CNTNAP3B: variants seen among roughly 807,000 people sequenced by gnomAD.
CNTNAP3B encodes the protein contactin-associated protein-like 3B.
Under a neutral mutation model 108.9 loss-of-function variants are expected in CNTNAP3B, and 25 were observed. That is an observed-to-expected ratio of 0.23 (90% CI 0.17 to 0.32). CNTNAP3B has a LOEUF of 0.32. Among genes scored for constraint, CNTNAP3B ranks in the 10% least tolerant of loss-of-function variants. The pLI, the probability that CNTNAP3B is intolerant of heterozygous loss-of-function variation, is 1.00. For synonymous variants in CNTNAP3B, 103 were observed against 473.4 expected (o/e 0.22, Z 10.16); for missense variants, 252 against 1,210.4 (o/e 0.21, Z 11.75).
At chr9:41,933,023 T>G (rs1824029421) in intron 14 of CNTNAP3B, among the ~76,000 whole-genome samples, 1 of 152,308 alleles carries the variant, frequency 6.6e-6, no homozygotes, top group East Asian at 1.9e-4. Flanking sequence ...TTTTTCATCT[T>G]AAAAATTATC....
chr9:41,944,195 C>A (rs1587130173), intron 13 of CNTNAP3B, among the ~76,000 whole-genome samples: 1 of 148,168 alleles, frequency 6.7e-6, no homozygotes, highest in East Asian at 1.9e-4. Context: ...AATAGAAGTT[C>A]CTCAGAGAAA....
chr9:42,124,867 GT>G (rs1170170196), intron 1 of CNTNAP3B, among the ~76,000 whole-genome samples: 13 of 134,314 alleles, frequency 9.7e-5, no homozygotes, highest in Admixed American at 5.9e-4. Flanking sequence ...TCTCATAATT[GT>G]TTTTTTTTCA....
chr9:42,071,462 C>A (rs1827377848), intron 3 of CNTNAP3B, among the ~76,000 whole-genome samples: 1 of 135,612 alleles, frequency 7.4e-6, no homozygotes, highest in Non-Finnish European at 1.6e-5. Context: ...CACAGATAAG[C>A]AGAGAATACG....
At chr9:41,978,900 C>A (rs1486255007) in intron 9 of CNTNAP3B, among the ~76,000 whole-genome samples, 1 of 147,376 alleles carries the variant, frequency 6.8e-6, no homozygotes, top group African/African-American at 2.6e-5. Context: ...TATATCAAAT[C>A]GTCACATAGT....
intron 15 of CNTNAP3B, among the ~76,000 whole-genome samples, chr9:41,924,645 GCACACACACACACACACACACA>G (rs200851620): frequency 7.4e-6 from 1 of 135,062 alleles, no homozygotes; most frequent in East Asian, 2.0e-4. Context: ...TTTCCTTCCT[GCACACACACACACACACACACA>G]CACACACACA....
At chr9:41,941,212 A>G (rs951486312) in intron 13 of CNTNAP3B, among the ~76,000 whole-genome samples, 5 of 151,038 alleles carry the variant, frequency 3.3e-5, no homozygotes, top group African/African-American at 1.2e-4. Context: ...AGAAAATTAT[A>G]AAAATTACCT....
intron 10 of CNTNAP3B, among the ~76,000 whole-genome samples, chr9:41,965,036 A>G (rs1470892572): frequency 6.6e-6 from 1 of 152,282 alleles, no homozygotes; most frequent in Admixed American, 6.5e-5. Flanking sequence ...AGAGGGGAGA[A>G]GAAAGAAACA....
Position 42,117,175 on chromosome 9 carries a change from C to A in CNTNAP3B, c.85+11835G>T, listed in dbSNP as rs571301194. Among the ~76,000 whole-genome samples, 436 of 135,964 alleles carry A rather than the reference C, an allele frequency of 3.2e-3. 1 individual carries two copies. Among genetic ancestry groups the A allele is most frequent in the African/African-American group, 0.012 (408 of 33,590 alleles). 89.2% of individuals were successfully genotyped at this position (135,964 alleles called of 152,430 possible). A position where few individuals can be genotyped will look rare whatever the true frequency, so the allele number is the denominator to read the frequency against. On this transcript the variant is annotated intron_variant, in intron 1 of 23. Transcript: ENST00000377561. ...GAACTCAGCTCTGCACCAAGCAGAC[C>A]TAATAGACATCTACAGAACTCTCCA...
In CNTNAP3B at chr9:42,098,998, C is replaced by T. The variant is rs1484591680; in HGVS notation, c.196+5631G>A. On this transcript the variant is annotated intron_variant, in intron 2 of 23. Coordinates refer to ENST00000377561, the MANE Select transcript of CNTNAP3B (RefSeq NM_001201380.3). ...CCCAGAGTCGTGGCTAGGTTGTGTGCAGCACAAATTCCCACCTCTAGTTTC... is the reference window on the plus strand; with the variant it reads ...CCCAGAGTCGTGGCTAGGTTGTGTGTAGCACAAATTCCCACCTCTAGTTTC... Among the ~76,000 whole-genome samples, 2 of 137,228 alleles carry T rather than the reference C, an allele frequency of 1.5e-5. 1 individual carries two copies. The highest frequency in any genetic ancestry group is 3.1e-5 in the Non-Finnish European group (2 of 64,436). 90.0% of individuals were successfully genotyped at this position (137,228 alleles called of 152,430 possible).
At chr9:41,951,675 CTCTT>C (rs1472428099) in intron 13 of CNTNAP3B, among the ~76,000 whole-genome samples, 2 of 151,978 alleles carry the variant, frequency 1.3e-5, no homozygotes, top group African/African-American at 4.8e-5. Context: ...CAGACCTTTG[CTCTT>C]TCTACTAGAC....
intron 2 of CNTNAP3B, among the ~76,000 whole-genome samples, chr9:42,078,903 C>A (rs527622448): frequency 2.0e-5 from 3 of 151,798 alleles, no homozygotes; most frequent in African/African-American, 7.3e-5. Flanking sequence ...CACGTACCCA[C>A]TTCCATAATC....
intron 13 of CNTNAP3B, among the ~76,000 whole-genome samples, chr9:41,943,087 T>A (rs1269593102): frequency 2.0e-5 from 3 of 152,298 alleles, no homozygotes; most frequent in African/African-American, 7.2e-5. Context: ...AAGGGCTCTA[T>A]GTTGAAAAAG....
At chr9:41,945,157 C>A (rs1445219667) in intron 13 of CNTNAP3B, among the ~76,000 whole-genome samples, 1 of 152,304 alleles carries the variant, frequency 6.6e-6, no homozygotes, top group East Asian at 1.9e-4. Flanking sequence ...AACACTTTTA[C>A]ACTGTTGGTG....
chr9:41,982,978 G>A (rs1219571029), intron 9 of CNTNAP3B, among the ~76,000 whole-genome samples: 1 of 128,748 alleles, frequency 7.8e-6, no homozygotes, highest in African/African-American at 3.3e-5. Flanking sequence ...TTATGAGTGG[G>A]AGCTTAGTAT....
At chr9:42,090,784 A>ATG (rs1302442112) in intron 2 of CNTNAP3B, among the ~76,000 whole-genome samples, 6 of 87,658 alleles carry the variant, frequency 6.8e-5, no homozygotes, top group African/African-American at 2.6e-4. Flanking sequence ...ATGTACTGAC[A>ATG]TATATATACA....
chr9:41,938,717 A>T (rs1824235231), intron 13 of CNTNAP3B, among the ~76,000 whole-genome samples: 1 of 152,260 alleles, frequency 6.6e-6, no homozygotes. Context: ...AATTAATACC[A>T]GGGTAATTTG....
chr9:42,080,604 AC>A (rs1827593162), intron 2 of CNTNAP3B, among the ~76,000 whole-genome samples: 1 of 131,202 alleles, frequency 7.6e-6, no homozygotes, highest in Admixed American at 7.7e-5. Context: ...GGCTGACTCC[AC>A]CCCCAACTAG....
In CNTNAP3B at chr9:42,030,785, ATGTGTGC is replaced by A. The variant is rs372447509; in HGVS notation, c.391-17267_391-17261del. On this transcript the variant is annotated intron_variant, in intron 3 of 23. Coordinates refer to ENST00000377561, the MANE Select transcript of CNTNAP3B (RefSeq NM_001201380.3). ...GAGAGAGAGAGAGAGAGAGAGAGAG[ATGTGTGC>A]GAGAGAGAGAGAGAGAGAGAGGAGA... 6.8e-3 allele frequency among the ~76,000 whole-genome samples: 289 copies of A among 42,328 alleles called. 1 individual carries two copies. The highest frequency in any genetic ancestry group is 0.022 in the East Asian group (29 of 1,296). 27.8% of individuals were successfully genotyped at this position (42,328 alleles called of 152,430 possible).
chr9:41,999,519 C>CT (rs1253703472), intron 4 of CNTNAP3B, among the ~76,000 whole-genome samples: 5 of 115,276 alleles, frequency 4.3e-5, no homozygotes, highest in Admixed American at 8.9e-5. Context: ...CCTTAAAACT[C>CT]TCTCTCTCTC....
Sources: allele counts gnomAD v4.1 joint callset (sites outside exome capture counted in the v4.1 genomes callset), GRCh38; gene constraint gnomAD v4.1.1; transcripts MANE v1.5; gene names NCBI Gene and HGNC (gene_info 2026-07-23, HGNC 2026-07-21).